HAS1: variants seen among roughly 807,000 people sequenced by gnomAD.
HAS1 encodes hyaluronan synthase 1, also known as HA synthase 1.
Under a neutral mutation model 35.0 loss-of-function variants are expected in HAS1, and 27 were observed. The observed-to-expected ratio is 0.77, with a 90% CI of 0.57 to 1.06. HAS1 has a LOEUF of 1.06. HAS1 is among the 50% of genes least tolerant of loss of function. The probability of loss-of-function intolerance (pLI) is 0.00; values close to 1 mark genes in which losing one functional copy is unlikely to be tolerated. For synonymous variants in HAS1, 409 were observed against 371.2 expected (o/e 1.10, Z -1.17); for missense variants, 940 against 814.8 (o/e 1.15, Z -1.87).
At chr19:51,714,608 T>C (rs906230452) in intron 4 of HAS1, among the ~76,000 whole-genome samples, 6 of 146,776 alleles carry the variant, frequency 4.1e-5, no homozygotes, top group African/African-American at 1.5e-4. Context: ...GGGGAATCAC[T>C]TGAGCTCAGG....
At chr19:51,720,143 T>C (rs2083621136) in intron 1 of HAS1, among the ~76,000 whole-genome samples, 1 of 151,794 alleles carries the variant, frequency 6.6e-6, no homozygotes, top group Non-Finnish European at 1.5e-5. Flanking sequence ...TTTTTTTCTT[T>C]TGAGACAGGG....
intron 1 of HAS1, among the ~76,000 whole-genome samples, chr19:51,723,471 C>T (rs963111748): frequency 1.3e-5 from 2 of 152,126 alleles, no homozygotes; most frequent in Admixed American, 1.3e-4. Context: ...GGCTCAGTAT[C>T]GGCGATTTCA....
intron 3 of HAS1, among the ~76,000 whole-genome samples, chr19:51,716,766 C>T (rs11084109): frequency 0.67 from 101,518 of 151,560 alleles, 34,854 homozygotes; most frequent in East Asian, 0.87. Context: ...CATCCATATC[C>T]TTTTTCCAAC....
rs894394916 is a variant in HAS1 at position 51,719,406 on chromosome 19, G to A, written c.499C>T (p.Gln167Ter). The change falls in exon 2 of 5, where the codon CAG becomes TAG. Residue 167 changes from glutamine (Q) to a stop codon, truncating the protein, a stop_gained. Transcript: ENST00000540069. LOFTEE classifies it high-confidence loss of function. The stretch of plus-strand genomic sequence containing the variant: ...CCCGCCGCCGCGGGTTCCCAGGGCT[G>A]GTGGTAGTTGCCGTCCCACACGTAC... Reference protein sequence around the residue: ...ATYVWDGNYHQPWEPAAAGAV... With the variant: ...ATYVWDGNYH 2 of 1,566,886 alleles carry A rather than the reference G, an allele frequency of 1.3e-6. No individual in the cohort carries two copies. The highest frequency in any genetic ancestry group is 1.7e-6 in the Non-Finnish European group (2 of 1,155,370).
intron 2 of HAS1, among the ~76,000 whole-genome samples, chr19:51,718,333 T>C (rs1363434432): frequency 6.6e-6 from 1 of 151,162 alleles, no homozygotes; most frequent in Non-Finnish European, 1.5e-5. Context: ...GATGGCTGAG[T>C]GGTTGAATGA....
chr19:51,720,359 G>C (rs2083623421), intron 1 of HAS1, among the ~76,000 whole-genome samples: 1 of 152,034 alleles, frequency 6.6e-6, no homozygotes, highest in Non-Finnish European at 1.5e-5. Context: ...CAAGTGACTT[G>C]CCTGCCCCGG....
In HAS1 at chr19:51,719,848, G is replaced by T. The variant is rs1349872029; in HGVS notation, c.57C>A (p.Ala19=). 6.5e-7 allele frequency: 1 copy of T among 1,548,944 alleles called. No individual in the cohort carries two copies. The highest frequency in any genetic ancestry group is 8.7e-7 in the Non-Finnish European group (1 of 1,150,924). Residue 19 remains alanine, a synonymous_variant, in exon 2 of 5, where the codon GCC becomes GCA. Coordinates refer to ENST00000540069, the MANE Select transcript of HAS1 (RefSeq NM_001297436.2). ...CGAAGGCGATGGTCAGCACCCTCCG[G>T]GCCAGGCCGGAGCAGCGGCAGGCTG... ...TPAACRCSGL[A]RRVLTIAFAL...
rs542659968 is a variant in HAS1 at position 51,713,448 on chromosome 19, C to T, written c.1713G>A (p.Gly571=). Residue 571 remains glycine, a synonymous_variant, in exon 5 of 5, where the codon GGG becomes GGA. Coordinates refer to ENST00000540069, the MANE Select transcript of HAS1 (RefSeq NM_001297436.2). This position sits in a 1 kb window ranked among gnomAD's most constrained non-coding sequence, Gnocchi z 4.5. The part of the protein sequence containing the change: ...GVRRLCRRRT[G]GYRVQV ...GGACTCACACCTGGACGCGGTAGCC[C>T]CCGGTCCGCCGCCGGCAAAGCCTCC... The T allele has an allele frequency of 1.5e-5, 23 of 1,542,312 alleles. No homozygotes were observed. In the Admixed American group the frequency reaches 1.6e-4, roughly 11 times the overall value.
rs1250146200 is a variant in HAS1 at position 51,713,426 on chromosome 19, C to T, written c.*1G>A. 2 of 1,512,428 alleles carry T rather than the reference C, an allele frequency of 1.3e-6. No individual in the cohort carries two copies. Among genetic ancestry groups the T allele is most frequent in the African/African-American group, 2.8e-5 (2 of 71,398 alleles). 93.7% of individuals were successfully genotyped at this position (1,512,428 alleles called of 1,614,324 possible). On this transcript the variant is annotated 3_prime_UTR_variant, in exon 5 of 5. Transcript: ENST00000540069. The surrounding 1 kb of genome is among the most constrained non-coding windows in gnomAD (Gnocchi z 4.5). ...TTGAGGCGGCATCCGCGTGGCTGGA[C>T]TCACACCTGGACGCGGTAGCCCCCG...
rs763818520 is a variant in HAS1 at position 51,713,973 on chromosome 19, G to C, written c.1188C>G (p.His396Gln). 1.2e-6 allele frequency: 2 copies of C among 1,613,148 alleles called. No homozygotes were observed. The highest frequency in any genetic ancestry group is 2.7e-5 in the African/African-American group (2 of 74,946). The change falls in exon 5 of 5, where the codon CAC becomes CAG. Residue 396 changes from histidine to glutamine, a missense_variant. Coordinates refer to ENST00000540069, the MANE Select transcript of HAS1 (RefSeq NM_001297436.2). This position sits in a 1 kb window ranked among gnomAD's most constrained non-coding sequence, Gnocchi z 4.5. Reference sequence around the variant, plus strand: ...CCGCCTCGTAGGTCATCCACGCATGGTGCCGGTGCCACCAGAGCGCGTTGT... The same window carrying C: ...CCGCCTCGTAGGTCATCCACGCATGCTGCCGGTGCCACCAGAGCGCGTTGT... The part of the protein sequence containing the change: ...WLYNALWWHR[H>Q]HAWMTYEAVV...
chr19:51,722,060 G>A (rs1275789063), intron 1 of HAS1, among the ~76,000 whole-genome samples: 1 of 152,120 alleles, frequency 6.6e-6, no homozygotes, highest in African/African-American at 2.4e-5. Flanking sequence ...TCCCCTCTAC[G>A]CTAAACTGCC....
Position 51,713,390 on chromosome 19 carries a change from C to G in HAS1, c.*37G>C, listed in dbSNP as rs753687908. 5.5e-6 allele frequency: 8 copies of G among 1,453,022 alleles called. No individual in the cohort carries two copies. In the South Asian group the frequency reaches 1.0e-4, roughly 19 times the overall value. The allele number at this position is 1,453,022 out of a possible 1,614,324, so 90.0% of individuals were successfully genotyped here. A position where few individuals can be genotyped will look rare whatever the true frequency, so the allele number is the denominator to read the frequency against. On this transcript the variant is annotated 3_prime_UTR_variant, in exon 5 of 5. Transcript: ENST00000540069. The surrounding 1 kb of genome is among the most constrained non-coding windows in gnomAD (Gnocchi z 4.5). ...GCCCAGCAGCTCTCCTCTGGCCTCC[C>G]CTGAAGACCCTTGAGGCGGCATCCG...
rs546971690 is a variant in HAS1, at chr19:51,719,686, C to T, written c.219G>A (p.Ala73=). The change falls in exon 2 of 5, where the codon GCG becomes GCA. Residue 73 remains alanine, a synonymous_variant. Transcript: ENST00000540069. The part of the protein sequence containing the change: ...SAHLVAQSLF[A]YLEHRRVAAA... ...CCGCCACCCGCCGGTGCTCCAGGTA[C>T]GCGAAGAGGCTCTGCGCCACCAGGT... The T allele has an allele frequency of 5.6e-5, 88 of 1,557,590 alleles. No homozygotes were observed. In the African/African-American group the frequency reaches 9.4e-4, roughly 17 times the overall value.
Position 51,713,861 on chromosome 19 carries a change from G to T in HAS1, c.1300C>A (p.Leu434Met). 6.2e-7 allele frequency: 1 copy of T among 1,606,634 alleles called. No homozygotes were observed. Reference protein sequence around the residue: ...AGRPWALLWVLLCVQGVALAK... With the variant: ...AGRPWALLWVMLCVQGVALAK... ...AGTGCCACGCCCTGCACGCACAGCA[G>T]CACCCACAGCAGCGCCCAAGGGCGG... Residue 434 changes from leucine to methionine, a missense_variant, in exon 5 of 5, where the codon CTG becomes ATG. Coordinates refer to ENST00000540069, the MANE Select transcript of HAS1 (RefSeq NM_001297436.2). This position sits in a 1 kb window ranked among gnomAD's most constrained non-coding sequence, Gnocchi z 4.5.
chr19:51,717,809 T>G (rs987481309), intron 2 of HAS1, among the ~76,000 whole-genome samples: 1 of 152,158 alleles, frequency 6.6e-6, no homozygotes, highest in African/African-American at 2.4e-5. Flanking sequence ...GGTGATATCC[T>G]GAAAAAAGGA....
intron 4 of HAS1, 122 bp downstream of exon 4, chr19:51,716,134 T>G (rs1347381343): frequency 3.0e-5 from 26 of 870,178 alleles, no homozygotes; most frequent in Non-Finnish European, 4.0e-5. Context: ...CTCTAAAGTC[T>G]CACTTGATAG....
chr19:51,718,842 T>A (rs1383267937), intron 2 of HAS1, among the ~76,000 whole-genome samples: 1 of 152,180 alleles, frequency 6.6e-6, no homozygotes, highest in Non-Finnish European at 1.5e-5. Flanking sequence ...AATGGATGGA[T>A]AACTGAATCA....
rs771052418 is a variant in HAS1, at chr19:51,714,029, A to G, written c.1132T>C (p.Trp378Arg). The change falls in exon 5 of 5, where the codon TGG becomes CGG. Residue 378 changes from tryptophan to arginine, a missense_variant. Coordinates refer to ENST00000540069, the MANE Select transcript of HAS1 (RefSeq NM_001297436.2). ...CACTCACGGAAGTACGACTTGGACC[A>G]GCGTGTCTGCTGGCTCAGCCACCGC... is the stretch of plus-strand genomic sequence containing the variant. Reference protein sequence around the residue: ...FLRWLSQQTRWSKSYFREWLY... With the variant: ...FLRWLSQQTRRSKSYFREWLY... 5.6e-6 allele frequency: 9 copies of G among 1,613,962 alleles called. No individual in the cohort carries two copies. The highest frequency in any genetic ancestry group is 7.6e-6 in the Non-Finnish European group (9 of 1,179,970).
intron 1 of HAS1, among the ~76,000 whole-genome samples, chr19:51,721,010 G>A (rs759608176): frequency 6.6e-6 from 1 of 152,180 alleles, no homozygotes; most frequent in Non-Finnish European, 1.5e-5. Context: ...TAAGATGAAT[G>A]AATTTATTTT....
Sources: allele counts gnomAD v4.1 joint callset (sites outside exome capture counted in the v4.1 genomes callset), GRCh38; gene constraint gnomAD v4.1.1; non-coding constraint Gnocchi (gnomAD v3.1); transcripts MANE v1.5; gene names NCBI Gene and HGNC (gene_info 2026-07-23, HGNC 2026-07-21).